Variants in DOCK10 observed in about 807,000 individuals in gnomAD.
DOCK10 encodes dedicator of cytokinesis protein 10.
Under a neutral mutation model 280.1 loss-of-function variants are expected in DOCK10, and 145 were observed. The ratio of observed to expected loss-of-function variants is 0.52; its 90% CI spans 0.45 to 0.59. The LOEUF (loss-of-function observed/expected upper bound fraction) is 0.59. Ranked by LOEUF, DOCK10 falls within the 20% of genes least tolerant of loss-of-function variation. The probability of loss-of-function intolerance (pLI) is 0.00; values close to 1 mark genes in which losing one functional copy is unlikely to be tolerated. For synonymous variants in DOCK10, 915 were observed against 942.2 expected (o/e 0.97, Z 0.53); for missense variants, 2,368 against 2,651.7 (o/e 0.89, Z 2.35).
chr2:224,990,070 C>T (rs1706085074), intron 1 of DOCK10, among the ~76,000 whole-genome samples: 1 of 152,174 alleles, frequency 6.6e-6, no homozygotes, highest in South Asian at 2.1e-4. Flanking sequence ...TGCTGCCAAG[C>T]TTTCCTTTAT....
intron 1 of DOCK10, among the ~76,000 whole-genome samples, chr2:225,030,013 G>A (rs1433214658): frequency 6.6e-6 from 1 of 151,750 alleles, no homozygotes; most frequent in African/African-American, 2.4e-5. Context: ...AGGTGTGGTG[G>A]CACACACCTG....
At chr2:224,865,200 C>A in intron 11 of DOCK10, 113 bp from the exon 12 acceptor site, 2 of 956,042 alleles carry the variant, frequency 2.1e-6, no homozygotes, top group Non-Finnish European at 3.1e-6. Context: ...AGCAGGCAAG[C>A]TCCCCTTGAC....
chr2:224,787,256 AG>A lies in DOCK10; in HGVS notation c.5541+18del, dbSNP rs1574820018. 1 of 1,613,712 alleles carries A rather than the reference AG, an allele frequency of 6.2e-7. No individual in the cohort carries two copies. Among genetic ancestry groups the A allele is most frequent in the South Asian group, 1.1e-5 (1 of 91,044 alleles). ...ACATAGGATATTTTAATTAACTTCT[AG>A]GGGGTTGGAATACATACTTTGAAGT... On this transcript the variant is annotated intron_variant, in intron 49 of 55. Coordinates refer to ENST00000258390, the MANE Select transcript of DOCK10 (RefSeq NM_014689.3).
At position 225,042,201 on chromosome 2, in the gene DOCK10, C is replaced by A; in HGVS notation, c.123+51G>T. 1 of 1,229,886 alleles carries A rather than the reference C, an allele frequency of 8.1e-7. No homozygotes were observed. The highest frequency in any genetic ancestry group is 3.6e-5 in the South Asian group (1 of 27,544). 76.2% of individuals were successfully genotyped at this position (1,229,886 alleles called of 1,614,324 possible). On this transcript the variant is annotated intron_variant, in intron 1 of 55. Coordinates refer to ENST00000258390, the MANE Select transcript of DOCK10 (RefSeq NM_014689.3). This position sits in a 1 kb window ranked among gnomAD's most constrained non-coding sequence, Gnocchi z 5.1. ...TTTTGGGGAAGCTGGGCTCCGTTCC[C>A]CCCGGGCGCCTGGGGCGCGCGGGAA...
At chr2:224,906,689 C>T (rs1203244634) in intron 3 of DOCK10, among the ~76,000 whole-genome samples, 1 of 152,188 alleles carries the variant, frequency 6.6e-6, no homozygotes, top group African/African-American at 2.4e-5. Context: ...CCATATTAGC[C>T]AGGATGGTCT....
rs965375241 is a variant in DOCK10 at position 224,802,973 on chromosome 2, A to AG, written c.4269-934dup. Among the ~76,000 whole-genome samples, 81 of 152,142 alleles carry AG rather than the reference A, an allele frequency of 5.3e-4. 1 individual carries two copies. The highest frequency in any genetic ancestry group is 1.9e-3 in the African/African-American group (79 of 41,430). On this transcript the variant is annotated intron_variant, in intron 39 of 55. Coordinates refer to ENST00000258390, the MANE Select transcript of DOCK10 (RefSeq NM_014689.3). ...GATGAGACTTTGGCTTTCAATAGCCAGGGGAGCCTGGGTCATTCCTGAAGC... is the reference window on the plus strand; with the variant it reads ...GATGAGACTTTGGCTTTCAATAGCCAGGGGGAGCCTGGGTCATTCCTGAAGC...
intron 1 of DOCK10, among the ~76,000 whole-genome samples, chr2:224,977,046 C>G (rs1705484173): frequency 6.6e-6 from 1 of 152,136 alleles, no homozygotes; most frequent in Admixed American, 6.6e-5. Context: ...GAAATGTTTG[C>G]CATATAAGTG....
intron 30 of DOCK10, among the ~76,000 whole-genome samples, chr2:224,815,889 AGC>A (rs1377443832): frequency 6.6e-6 from 1 of 151,432 alleles, no homozygotes; most frequent in Non-Finnish European, 1.5e-5. Flanking sequence ...TACCAAAATT[AGC>A]CAGGTGTGGT....
chr2:224,835,101 T>A lies in DOCK10; in HGVS notation c.2851-838A>T, dbSNP rs184783646. ...GGATCTGTAACTGTTTCTTTAAACT[T>A]TGTAGCACATTGGCACCTAACTTGT... On this transcript the variant is annotated intron_variant, in intron 25 of 55. Coordinates refer to ENST00000258390, the MANE Select transcript of DOCK10 (RefSeq NM_014689.3). 3.0e-3 allele frequency among the ~76,000 whole-genome samples: 452 copies of A among 152,344 alleles called. 2 individuals carry two copies. Among genetic ancestry groups the A allele is most frequent in the African/African-American group, 9.8e-3 (406 of 41,578 alleles).
chr2:225,003,790 A>C (rs1363243279), intron 1 of DOCK10, among the ~76,000 whole-genome samples: 4 of 152,178 alleles, frequency 2.6e-5, no homozygotes, highest in Non-Finnish European at 5.9e-5. Context: ...ACACTGATAA[A>C]ATAAGGCCAG....
Position 224,805,108 on chromosome 2 carries a change from G to A in DOCK10, c.4068C>T (p.Tyr1356=), listed in dbSNP as rs1334218340. The part of the protein sequence containing the change: ...KTISYETLIA[Y]WQRAPSPEVS... Reference sequence around the variant, plus strand: ...CCTCTGGGCTGGGAGCTCTCTGCCAGTAGGCAATCAGAGTCTCTAAAAGGA... The same window carrying A: ...CCTCTGGGCTGGGAGCTCTCTGCCAATAGGCAATCAGAGTCTCTAAAAGGA... The change falls in exon 37 of 56, where the codon TAC becomes TAT. Residue 1356 remains tyrosine, a synonymous_variant. Transcript: ENST00000258390. The surrounding 1 kb of genome is among the most constrained non-coding windows in gnomAD (Gnocchi z 4.3). 1.9e-6 allele frequency: 3 copies of A among 1,611,716 alleles called. No individual in the cohort carries two copies. The highest frequency in any genetic ancestry group is 4.5e-5 in the East Asian group (2 of 44,808).
In DOCK10 at chr2:224,845,657, A is replaced by G. The variant is rs146692982; in HGVS notation, c.2236-15T>C. 6.2e-6 allele frequency: 10 copies of G among 1,604,070 alleles called. No individual in the cohort carries two copies. In the East Asian group the frequency reaches 2.2e-4, roughly 36 times the overall value. On this transcript the variant is annotated splice_polypyrimidine_tract_variant and intron_variant, in intron 19 of 55. Transcript: ENST00000258390. ...TCAATTTTCACCTGCAACGAAAGAA[A>G]CCATAGTTGGACTGAGATTAAAATC...
chr2:224,800,374 T>C, intron 40 of DOCK10, 111 bp from the exon 41 acceptor site: 1 of 575,632 alleles, frequency 1.7e-6, no homozygotes, highest in Admixed American at 3.0e-5. Context: ...TTTTGATTAA[T>C]AATTTATTAA....
intron 1 of DOCK10, among the ~76,000 whole-genome samples, chr2:224,959,454 T>A (rs1704237904): frequency 1.5e-5 from 2 of 135,186 alleles, no homozygotes; most frequent in African/African-American, 2.8e-5. Context: ...TTTTTTTTTT[T>A]ACCTCAAGTA....
intron 27 of DOCK10, among the ~76,000 whole-genome samples, chr2:224,827,932 C>T (rs546522984): frequency 2.0e-5 from 3 of 152,182 alleles, no homozygotes; most frequent in Non-Finnish European, 2.9e-5. Flanking sequence ...ATGGATGACT[C>T]TGAGGAAGTG....
In DOCK10 at chr2:224,765,853, AAC is replaced by A; in HGVS notation, c.6445-18_6445-17del. 2 of 1,583,830 alleles carry A rather than the reference AAC, an allele frequency of 1.3e-6. No individual in the cohort carries two copies. The highest frequency in any genetic ancestry group is 1.7e-6 in the Non-Finnish European group (2 of 1,154,252). ...TGCCCGTAATCTTAAAACAGGGAAAAACACAACACAACAGAATGCAGAGGTTA... is the reference window on the plus strand; with the variant it reads ...TGCCCGTAATCTTAAAACAGGGAAAAACAACACAACAGAATGCAGAGGTTA... On this transcript the variant is annotated splice_polypyrimidine_tract_variant and intron_variant, in intron 55 of 55. Coordinates refer to ENST00000258390, the MANE Select transcript of DOCK10 (RefSeq NM_014689.3).
intron 1 of DOCK10, among the ~76,000 whole-genome samples, chr2:224,936,004 A>G (rs1702669330): frequency 6.6e-6 from 1 of 152,206 alleles, no homozygotes; most frequent in Non-Finnish European, 1.5e-5. Flanking sequence ...GGAGAAAGGT[A>G]GGCTAGTGGA....
chr2:224,992,843 C>T (rs748392545), intron 1 of DOCK10, among the ~76,000 whole-genome samples: 2 of 152,178 alleles, frequency 1.3e-5, no homozygotes, highest in Admixed American at 6.5e-5. Flanking sequence ...GCCATGAGTT[C>T]TTCTAGGTCT....
At chr2:224,947,925 T>G (rs1415141423) in intron 1 of DOCK10, among the ~76,000 whole-genome samples, 1 of 152,232 alleles carries the variant, frequency 6.6e-6, no homozygotes, top group Non-Finnish European at 1.5e-5. Context: ...ATATGTTTAA[T>G]AAAGAATAAA....
Sources: allele counts gnomAD v4.1 joint callset (sites outside exome capture counted in the v4.1 genomes callset), GRCh38; gene constraint gnomAD v4.1.1; non-coding constraint Gnocchi (gnomAD v3.1); transcripts MANE v1.5; gene names NCBI Gene and HGNC (gene_info 2026-07-23, HGNC 2026-07-21).